Variants in OPCML observed in about 807,000 individuals in gnomAD.
The protein encoded by OPCML is opioid binding protein/cell adhesion molecule like, also known as opioid-binding protein/cell adhesion molecule.
OPCML carries 13 observed loss-of-function variants against 37.8 expected under a neutral mutation model. That is an observed-to-expected ratio of 0.34 (90% CI 0.22 to 0.55). The LOEUF (loss-of-function observed/expected upper bound fraction) is 0.55. Ranked by LOEUF, OPCML falls within the 20% of genes least tolerant of loss-of-function variation. OPCML has a pLI of 0.91. For missense variants in OPCML, 341 were observed against 435.6 expected (o/e 0.78, Z 1.93); for synonymous variants, 176 against 168.8 (o/e 1.04, Z -0.33).
chr11:132,675,511 G>A (rs971998313), intron 2 of OPCML, among the ~76,000 whole-genome samples: 8 of 151,926 alleles, frequency 5.3e-5, no homozygotes, highest in Middle Eastern at 3.2e-3. Context: ...CTCTGCGAAT[G>A]AAATATCTTA....
At chr11:132,872,356 T>C (rs1311679873) in intron 2 of OPCML, among the ~76,000 whole-genome samples, 1 of 152,228 alleles carries the variant, frequency 6.6e-6, no homozygotes, top group Non-Finnish European at 1.5e-5. Flanking sequence ...CTATGGGCTG[T>C]TGCAGATCTG....
chr11:132,946,307 C>G (rs1488554027), intron 1 of OPCML, among the ~76,000 whole-genome samples: 1 of 152,216 alleles, frequency 6.6e-6, no homozygotes, highest in Non-Finnish European at 1.5e-5. Flanking sequence ...TTACAATCAC[C>G]TTTTTAAAAT....
At chr11:132,948,036 T>A (rs796309804) in intron 1 of OPCML, among the ~76,000 whole-genome samples, 1 of 152,222 alleles carries the variant, frequency 6.6e-6, no homozygotes, top group Non-Finnish European at 1.5e-5. Flanking sequence ...ATATTGTCTG[T>A]TCAGATGCTG....
intron 3 of OPCML, among the ~76,000 whole-genome samples, chr11:132,554,863 GTTTTTTTTT>G (rs5795789): frequency 5.2e-4 from 33 of 64,028 alleles, no homozygotes; most frequent in African/African-American, 1.5e-3. Flanking sequence ...ATGGGGTAAA[GTTTTTTTTT>G]TTTTTTTTTT....
chr11:132,585,241 G>A (rs182134222), intron 3 of OPCML, among the ~76,000 whole-genome samples: 302 of 152,128 alleles, frequency 2.0e-3, no homozygotes, highest in Admixed American at 3.6e-3. Flanking sequence ...ATTCTACTGG[G>A]AAGTAGCAGA....
At chr11:133,175,382 G>C (rs1054360812) in intron 1 of OPCML, among the ~76,000 whole-genome samples, 1 of 151,508 alleles carries the variant, frequency 6.6e-6, no homozygotes, top group Admixed American at 6.6e-5. Flanking sequence ...CTCAAAGCCT[G>C]ACAAGTCATC....
intron 2 of OPCML, among the ~76,000 whole-genome samples, chr11:132,716,760 T>G (rs1275207726): frequency 6.6e-6 from 1 of 152,180 alleles, no homozygotes; most frequent in Non-Finnish European, 1.5e-5. Context: ...CAGATAGATC[T>G]AAAACTGAAG....
At chr11:132,479,691 C>T (rs1214774736) in intron 4 of OPCML, among the ~76,000 whole-genome samples, 4 of 152,196 alleles carry the variant, frequency 2.6e-5, no homozygotes, top group Admixed American at 6.5e-5. Flanking sequence ...AACAGGCAGA[C>T]TGCCTCCTCA....
chr11:133,087,130 T>C (rs1215842830), intron 1 of OPCML, among the ~76,000 whole-genome samples: 1 of 152,218 alleles, frequency 6.6e-6, no homozygotes, highest in Non-Finnish European at 1.5e-5. Context: ...AGTGACTGAA[T>C]GAAGGTCACG....
rs564730071 is a variant in OPCML, at chr11:132,563,857, CT to C, written c.380-34672del. 1.7e-3 allele frequency among the ~76,000 whole-genome samples: 256 copies of C among 152,060 alleles called. 4 individuals are homozygous for C. In the South Asian group the frequency reaches 0.025, roughly 15 times the overall value. ...GACAGCATTTTTTTAATCAGTGAGA[CT>C]TTTTTTGGTGGAGGTGGAGGAGATG... On this transcript the variant is annotated intron_variant, in intron 3 of 7. Transcript: ENST00000524381.
At chr11:132,673,008 A>G (rs951202276) in intron 2 of OPCML, among the ~76,000 whole-genome samples, 4 of 152,012 alleles carry the variant, frequency 2.6e-5, no homozygotes, top group Non-Finnish European at 5.9e-5. Context: ...TTAGGCCTTC[A>G]TTTGTCAAGC....
At chr11:133,420,293 C>T (rs919468326) in intron 1 of OPCML, 13 of 985,264 alleles carry the variant, frequency 1.3e-5, no homozygotes, top group Admixed American at 6.1e-5. Flanking sequence ...GTCTTTGGCA[C>T]GAAGTGCAAA....
intron 1 of OPCML, among the ~76,000 whole-genome samples, chr11:133,356,834 G>T (rs1462688691): frequency 1.3e-5 from 2 of 152,160 alleles, no homozygotes; most frequent in Non-Finnish European, 2.9e-5. Flanking sequence ...TTTTTTAAAA[G>T]CGCGTGTCCA....
intron 2 of OPCML, among the ~76,000 whole-genome samples, chr11:132,749,547 G>A (rs929805579): frequency 1.3e-5 from 2 of 152,180 alleles, no homozygotes; most frequent in Admixed American, 1.3e-4. Context: ...CATGTAGGCA[G>A]TTGAATGCAC....
chr11:132,804,260 T>C (rs911363349), intron 2 of OPCML, among the ~76,000 whole-genome samples: 1 of 152,132 alleles, frequency 6.6e-6, no homozygotes, highest in African/African-American at 2.4e-5. Flanking sequence ...CCCAACCACA[T>C]TGCATGAAGT....
chr11:132,984,549 G>T (rs1279114424), intron 1 of OPCML, among the ~76,000 whole-genome samples: 2 of 152,088 alleles, frequency 1.3e-5, no homozygotes, highest in African/African-American at 4.8e-5. Context: ...GGAAAACAGG[G>T]CTTAAAATGT....
At chr11:132,440,020 AG>A (rs1393665759) in intron 4 of OPCML, among the ~76,000 whole-genome samples, 2 of 152,200 alleles carry the variant, frequency 1.3e-5, no homozygotes, top group African/African-American at 4.8e-5. Flanking sequence ...ACCTACACGT[AG>A]GGAGGGGATG....
chr11:132,680,563 TAAG>T (rs1942898867), intron 2 of OPCML, among the ~76,000 whole-genome samples: 1 of 152,178 alleles, frequency 6.6e-6, no homozygotes, highest in African/African-American at 2.4e-5. Context: ...CGCAGTCAAG[TAAG>T]AAGATGAGTG....
chr11:133,469,402 G>A (rs941415412), intron 1 of OPCML, among the ~76,000 whole-genome samples: 2 of 152,194 alleles, frequency 1.3e-5, no homozygotes, highest in African/African-American at 4.8e-5. Context: ...TACAGCTGAG[G>A]TGTGTAGTAG....
Sources: allele counts gnomAD v4.1 joint callset (sites outside exome capture counted in the v4.1 genomes callset), GRCh38; gene constraint gnomAD v4.1.1; transcripts MANE v1.5; gene names NCBI Gene and HGNC (gene_info 2026-07-23, HGNC 2026-07-21).